Variants in GATB observed in about 807,000 individuals in gnomAD.
The protein encoded by GATB is glutamyl-tRNA amidotransferase subunit B.
In GATB, 39 loss-of-function variants were observed where a neutral mutation model predicts 62.3. The ratio of observed to expected loss-of-function variants is 0.63; its 90% CI spans 0.48 to 0.82. The LOEUF (loss-of-function observed/expected upper bound fraction) is 0.82, where lower values mean the gene tolerates loss of function less well. GATB is among the 40% of genes least tolerant of loss of function. The probability of loss-of-function intolerance (pLI) is 0.00; values close to 1 mark genes in which losing one functional copy is unlikely to be tolerated. For synonymous variants in GATB, 276 were observed against 258.9 expected (o/e 1.07, Z -0.63); for missense variants, 670 against 684.0 (o/e 0.98, Z 0.23).
chr4:151,721,966 T>C (rs1437105951), intron 2 of GATB: 3 of 556,036 alleles, frequency 5.4e-6, no homozygotes, highest in Non-Finnish European at 6.3e-6. Flanking sequence ...ACTGAGAATA[T>C]GCTTTAATCT....
At position 151,750,371 on chromosome 4, in the gene GATB, G is replaced by A. The variant is rs556148029; in HGVS notation, c.327+8401C>T. 3.9e-5 allele frequency among the ~76,000 whole-genome samples: 6 copies of A among 152,234 alleles called. No individual in the cohort carries two copies. In the East Asian group the frequency reaches 7.8e-4, roughly 20 times the overall value. ...TTTTAAATAATATGCTGTGCCAGGG[G>A]ACCTTTGGAAAATCCATCACCTGTT... On this transcript the variant is annotated intron_variant, in intron 2 of 12. Coordinates refer to ENST00000263985, the MANE Select transcript of GATB (RefSeq NM_004564.3).
intron 2 of GATB, among the ~76,000 whole-genome samples, chr4:151,733,752 T>C (rs568766368): frequency 1.3e-5 from 2 of 152,286 alleles, no homozygotes; most frequent in African/African-American, 4.8e-5. Flanking sequence ...TAATCTACCA[T>C]GATCAAGTGG....
intron 8 of GATB, among the ~76,000 whole-genome samples, chr4:151,701,916 G>A (rs777625629): frequency 6.6e-6 from 1 of 152,212 alleles, no homozygotes; most frequent in African/African-American, 2.4e-5. Flanking sequence ...GCACTCACAT[G>A]AGCCTGGATG....
chr4:151,706,406 T>C (rs1227986874), intron 6 of GATB, among the ~76,000 whole-genome samples: 1 of 149,434 alleles, frequency 6.7e-6, no homozygotes, highest in African/African-American at 2.5e-5. Context: ...CCTCTTAAAA[T>C]AACGGGTCCC....
At chr4:151,735,477 T>G (rs112611521) in intron 2 of GATB, among the ~76,000 whole-genome samples, 16 of 151,960 alleles carry the variant, frequency 1.1e-4, no homozygotes, top group African/African-American at 3.4e-4. Flanking sequence ...CAGGGAACAC[T>G]TCTACACCGC....
Position 151,716,983 on chromosome 4 carries a change from A to G in GATB, c.533T>C (p.Val178Ala), listed in dbSNP as rs1738925592. The G allele has an allele frequency of 6.2e-7, 1 of 1,614,154 alleles. No homozygotes were observed. The highest frequency in any genetic ancestry group is 1.1e-5 in the South Asian group (1 of 91,082). Residue 178 changes from valine to alanine, a missense_variant, in exon 4 of 13, where the codon GTG becomes GCG. Val to Ala is a moderately conservative substitution (Grantham distance 64, BLOSUM62 0). Transcript: ENST00000263985. Reference protein sequence around the residue: ...GVCAGKKQSQVIPKTVRIKQI... With the variant: ...GVCAGKKQSQAIPKTVRIKQI... ...CTTGATCCTCACCGTCTTGGGGATC[A>G]CCTGACTCTGCTTCTTCCCTGCACA...
rs1253726209 is a variant in GATB, at chr4:151,730,421, G to C, written c.328-10883C>G. Among the ~76,000 whole-genome samples, 1 of 152,184 alleles carries C rather than the reference G, an allele frequency of 6.6e-6. No individual in the cohort carries two copies. The highest frequency in any genetic ancestry group is 1.5e-5 in the Non-Finnish European group (1 of 68,030). On this transcript the variant is annotated intron_variant, in intron 2 of 12. Coordinates refer to ENST00000263985, the MANE Select transcript of GATB (RefSeq NM_004564.3). This position sits in a 1 kb window ranked among gnomAD's most constrained non-coding sequence, Gnocchi z 4.1. Reference sequence around the variant, plus strand: ...ACCACTGGTCCCTCTCCATACTACAGCTAATGCTCTCTGGAAAGCACCACC... The same window carrying C: ...ACCACTGGTCCCTCTCCATACTACACCTAATGCTCTCTGGAAAGCACCACC...
chr4:151,724,613 T>A (rs1015042323), intron 2 of GATB: 2 of 152,268 alleles, frequency 1.3e-5, no homozygotes, highest in African/African-American at 4.8e-5. Context: ...GACACATGCT[T>A]TCATACAAAC....
At chr4:151,732,681 C>G (rs1739292606) in intron 2 of GATB, among the ~76,000 whole-genome samples, 1 of 147,598 alleles carries the variant, frequency 6.8e-6, no homozygotes, top group South Asian at 2.1e-4. Context: ...CCTGCCAAAT[C>G]CCCCTCTGCG....
chr4:151,756,206 T>A (rs909718458), intron 2 of GATB, among the ~76,000 whole-genome samples: 1 of 152,216 alleles, frequency 6.6e-6, no homozygotes, highest in Admixed American at 6.5e-5. Flanking sequence ...TTTGGTTTAC[T>A]TGACCAAAAC....
chr4:151,695,606 C>T (rs2126964905), intron 9 of GATB, among the ~76,000 whole-genome samples: 1 of 152,170 alleles, frequency 6.6e-6, no homozygotes. Context: ...CGTCTACTGA[C>T]TGCATGCACA....
chr4:151,733,607 T>C (rs1035799366), intron 2 of GATB, among the ~76,000 whole-genome samples: 1 of 152,164 alleles, frequency 6.6e-6, no homozygotes, highest in Non-Finnish European at 1.5e-5. Flanking sequence ...CCTAATTCAT[T>C]CTATGAAGCC....
chr4:151,710,481 C>T lies in GATB; in HGVS notation c.764-2380G>A, dbSNP rs573071033. Among the ~76,000 whole-genome samples the T allele has an allele frequency of 5.9e-5, 9 of 152,258 alleles. No homozygotes were observed. In the East Asian group the frequency reaches 9.7e-4, roughly 16 times the overall value. ...GTTTGTTTGTTGCATACACTGTCTC[C>T]GCTGTTTCACTTCCCATTTATTCCT... On this transcript the variant is annotated intron_variant, in intron 5 of 12. Transcript: ENST00000263985.
chr4:151,740,958 C>G (rs1739472864), intron 2 of GATB, among the ~76,000 whole-genome samples: 1 of 152,066 alleles, frequency 6.6e-6, no homozygotes, highest in African/African-American at 2.4e-5. Flanking sequence ...CAAAAGACTC[C>G]TAAGCTTTTG....
rs187558191 is a variant in GATB at position 151,720,096 on chromosome 4, G to A, written c.328-558C>T. Reference sequence around the variant, plus strand: ...AACTCCCTAAAAGTGGAACGCCAACGGAGGGCCTGTCCCACACACTGGACG... The same window carrying A: ...AACTCCCTAAAAGTGGAACGCCAACAGAGGGCCTGTCCCACACACTGGACG... On this transcript the variant is annotated intron_variant, in intron 2 of 12. Transcript: ENST00000263985. The A allele has an allele frequency of 4.9e-3, 748 of 152,544 alleles. 2 individuals carry two copies. The highest frequency in any genetic ancestry group is 8.7e-3 in the Non-Finnish European group (596 of 68,254). The allele number at this position is 152,544 out of a possible 1,614,324, so 9.4% of individuals were successfully genotyped here. A position where few individuals can be genotyped will look rare whatever the true frequency, so the allele number is the denominator to read the frequency against.
At chr4:151,722,419 T>C (rs1411831655) in intron 2 of GATB, 5 of 566,356 alleles carry the variant, frequency 8.8e-6, no homozygotes, top group East Asian at 6.0e-5. Flanking sequence ...CTGAAGTCCC[T>C]CAATGGCCCC....
rs1560847755 is a variant in GATB at position 151,697,967 on chromosome 4, A to ATATATATATATATATATATGTG, written c.1197+3361_1197+3362insCACATATATATATATATATATA. Among the ~76,000 whole-genome samples the ATATATATATATATATATATGTG allele has an allele frequency of 3.0e-3, 307 of 101,764 alleles. 16 individuals are homozygous for ATATATATATATATATATATGTG. The highest frequency in any genetic ancestry group is 0.021 in the East Asian group (64 of 2,982). 66.8% of individuals were successfully genotyped at this position (101,764 alleles called of 152,430 possible). A position where few individuals can be genotyped will look rare whatever the true frequency, so the allele number is the denominator to read the frequency against. On this transcript the variant is annotated intron_variant, in intron 9 of 12. Transcript: ENST00000263985. ...TGTGTGTGTGTGTATATATATATAT[A>ATATATATATATATATATATGTG]TATATATATATATATATATATATAT...
chr4:151,758,838 A>C lies in GATB; in HGVS notation c.261T>G (p.Val87=). 1 of 1,611,452 alleles carries C rather than the reference A, an allele frequency of 6.2e-7. No homozygotes were observed. The highest frequency in any genetic ancestry group is 8.5e-7 in the Non-Finnish European group (1 of 1,178,570). The stretch of plus-strand genomic sequence containing the variant: ...AAGAATTTGGAGGTGCTGAAAAGCG[A>C]ACTTGAGATCCAGAGAAGAGTTTAG... ...SNSKLFSGSQ[V]RFSAPPNSLV... is the part of the protein sequence containing the mutation. Residue 87 remains valine, a synonymous_variant, in exon 2 of 13, where the codon GTT becomes GTG. Coordinates refer to ENST00000263985, the MANE Select transcript of GATB (RefSeq NM_004564.3).
At chr4:151,723,604 C>T (rs1739072573) in intron 2 of GATB, 1 of 152,182 alleles carries the variant, frequency 6.6e-6, no homozygotes, top group South Asian at 2.1e-4. Flanking sequence ...AGAGGGCAAG[C>T]ATTGTGTTCT....
Sources: gnomAD v4.1 joint callset for allele counts (sites outside exome capture counted in the v4.1 genomes callset) on GRCh38, gnomAD v4.1.1 for gene constraint, Gnocchi (gnomAD v3.1) non-coding constraint, MANE v1.5 for transcripts, NCBI Gene and HGNC (gene_info 2026-07-23, HGNC 2026-07-21) for gene names.